Variants in SBF2 observed in about 807,000 individuals in gnomAD.
SBF2 encodes the protein myotubularin-related protein 13.
In SBF2, 112 loss-of-function variants were observed where a neutral mutation model predicts 225.2. The ratio of observed to expected loss-of-function variants is 0.50; its 90% CI spans 0.43 to 0.58. The LOEUF (loss-of-function observed/expected upper bound fraction) is 0.58. SBF2 is among the 20% of genes least tolerant of loss of function. The pLI is 0.00. For synonymous variants in SBF2, 763 were observed against 773.3 expected, an observed-to-expected ratio of 0.99 and a Z score of 0.22; for missense variants, 1,996 against 2,206.2, an observed-to-expected ratio of 0.90 and a Z score of 1.91.
At chr11:10,208,655 A>C (rs960480050) in intron 1 of SBF2, among the ~76,000 whole-genome samples, 9 of 152,112 alleles carry the variant, frequency 5.9e-5, no homozygotes, top group African/African-American at 2.2e-4. Context: ...ATGCCTATCA[A>C]GGTATTACGA....
At chr11:9,892,109 T>C (rs558156030) in intron 17 of SBF2, among the ~76,000 whole-genome samples, 1 of 152,094 alleles carries the variant, frequency 6.6e-6, no homozygotes, top group Non-Finnish European at 1.5e-5. Flanking sequence ...ACGATACTTT[T>C]AAAAAAAATT....
intron 17 of SBF2, among the ~76,000 whole-genome samples, chr11:9,891,000 G>A (rs1333092027): frequency 6.6e-6 from 1 of 152,166 alleles, no homozygotes; most frequent in East Asian, 1.9e-4. Context: ...GCCGGGCGTG[G>A]TGGTGGGCAC....
At chr11:10,283,425 A>G (rs953178489) in intron 1 of SBF2, among the ~76,000 whole-genome samples, 4 of 152,228 alleles carry the variant, frequency 2.6e-5, no homozygotes, top group African/African-American at 9.6e-5. Context: ...TGTTATACAT[A>G]AATTTACATT....
At chr11:10,249,807 G>C (rs1380026537) in intron 1 of SBF2, among the ~76,000 whole-genome samples, 1 of 102,226 alleles carries the variant, frequency 9.8e-6, no homozygotes, top group Non-Finnish European at 2.1e-5. Flanking sequence ...CCATAGCATT[G>C]GAATGCTATG....
chr11:10,012,768 AT>A (rs905140743), intron 6 of SBF2, among the ~76,000 whole-genome samples: 1 of 151,254 alleles, frequency 6.6e-6, no homozygotes, highest in Non-Finnish European at 1.5e-5. Flanking sequence ...TTTGAATTAT[AT>A]TTTTTTCCTG....
chr11:9,817,637 C>G (rs1854521694), intron 28 of SBF2, among the ~76,000 whole-genome samples: 1 of 151,346 alleles, frequency 6.6e-6, no homozygotes, highest in South Asian at 2.1e-4. Context: ...GGGCACAGTG[C>G]CTCATGCCTG....
intron 1 of SBF2, among the ~76,000 whole-genome samples, chr11:10,274,674 C>G (rs113139575): frequency 0.054 from 8,141 of 150,482 alleles, 300 homozygotes; most frequent in Middle Eastern, 0.14. Context: ...TCGCTTGAAC[C>G]TAGGAGGTGG....
intron 16 of SBF2, chr11:9,957,724 G>A (rs1373593083): frequency 6.6e-6 from 1 of 152,066 alleles, no homozygotes; most frequent in Non-Finnish European, 1.5e-5. Context: ...CTCCCAAAGT[G>A]CTGGAATTAC....
chr11:10,253,131 A>AAAAAAAAAAAAAAAAAAAC, intron 1 of SBF2, among the ~76,000 whole-genome samples: 1 of 151,556 alleles, frequency 6.6e-6, no homozygotes. Context: ...AAAAAAAAAA[A>AAAAAAAAAAAAAAAAAAAC]AAAAAAAAAA....
intron 6 of SBF2, among the ~76,000 whole-genome samples, chr11:10,003,769 A>AT (rs916937071): frequency 4.0e-5 from 6 of 150,840 alleles, no homozygotes; most frequent in African/African-American, 1.2e-4. Flanking sequence ...CTCTTTTTCT[A>AT]TTTTTTTAGT....
At position 10,203,058 on chromosome 11, in the gene SBF2, G is replaced by A. The variant is rs1462485850; in HGVS notation, c.56-9071C>T. Among the ~76,000 whole-genome samples, 5 of 149,716 alleles carry A rather than the reference G, an allele frequency of 3.3e-5. No individual in the cohort carries two copies. In the East Asian group the frequency reaches 1.0e-3, roughly 30 times the overall value. On this transcript the variant is annotated intron_variant, in intron 1 of 39. Coordinates refer to ENST00000256190, the MANE Select transcript of SBF2 (RefSeq NM_030962.4). ...AGATGTTTAGCTGGGGTGGGGGGGT[G>A]AGAGGGGGGTGCAGTTTCTAGACTG...
At chr11:10,104,696 T>G (rs926337577) in intron 2 of SBF2, among the ~76,000 whole-genome samples, 2 of 152,332 alleles carry the variant, frequency 1.3e-5, no homozygotes, top group Admixed American at 1.3e-4. Context: ...ATTCTACCAG[T>G]GCAACTGTTG....
At chr11:9,868,589 G>A (rs145235389) in intron 17 of SBF2, among the ~76,000 whole-genome samples, 1 of 152,046 alleles carries the variant, frequency 6.6e-6, no homozygotes, top group Non-Finnish European at 1.5e-5. Context: ...CAATCAGTTT[G>A]CTTAACTTGA....
chr11:10,022,773 T>C (rs1948910250), intron 6 of SBF2, among the ~76,000 whole-genome samples: 1 of 152,194 alleles, frequency 6.6e-6, no homozygotes, highest in Admixed American at 6.5e-5. Flanking sequence ...TAAATCTCTT[T>C]CAATCTCGAG....
At chr11:10,193,499 C>G (rs559354593) in intron 2 of SBF2, among the ~76,000 whole-genome samples, 2 of 151,792 alleles carry the variant, frequency 1.3e-5, no homozygotes, top group Non-Finnish European at 2.9e-5. Context: ...GGACTACAGA[C>G]GCCCGCCACC....
intron 13 of SBF2, among the ~76,000 whole-genome samples, chr11:9,971,782 T>C (rs1008687708): frequency 5.3e-5 from 8 of 152,204 alleles, no homozygotes; most frequent in Admixed American, 2.0e-4. Context: ...CTAAACTTCA[T>C]AGGGACATAC....
chr11:10,112,876 G>T (rs1952941948), intron 2 of SBF2, among the ~76,000 whole-genome samples: 2 of 152,160 alleles, frequency 1.3e-5, no homozygotes. Context: ...TTACATATGT[G>T]TACTTATCAT....
intron 1 of SBF2, among the ~76,000 whole-genome samples, chr11:10,270,850 C>A (rs906750698): frequency 1.3e-5 from 2 of 151,834 alleles, no homozygotes; most frequent in African/African-American, 4.8e-5. Flanking sequence ...AAAAAGTTAG[C>A]CAAGCCTGGT....
intron 1 of SBF2, among the ~76,000 whole-genome samples, chr11:10,293,264 T>C (rs1241024811): frequency 6.6e-6 from 1 of 152,186 alleles, no homozygotes; most frequent in Non-Finnish European, 1.5e-5. Flanking sequence ...AAGTGTAAAA[T>C]ACAATGCATT....
Sources: gnomAD v4.1 joint callset for allele counts (sites outside exome capture counted in the v4.1 genomes callset) on GRCh38, gnomAD v4.1.1 for gene constraint, MANE v1.5 for transcripts, NCBI Gene and HGNC (gene_info 2026-07-23, HGNC 2026-07-21) for gene names.